The following VPS37C variants were observed in gnomAD, a reference collection of about 807,000 sequenced individuals.
VPS37C encodes VPS37C subunit of ESCRT-I.
VPS37C carries 9 observed loss-of-function variants against 16.1 expected under a neutral mutation model. The ratio of observed to expected loss-of-function variants is 0.56; its 90% CI spans 0.34 to 0.97. VPS37C has a LOEUF of 0.97. VPS37C is among the 50% of genes least tolerant of loss of function. VPS37C has a pLI of 0.02. For missense variants in VPS37C, 479 were observed against 472.7 expected (o/e 1.01, Z -0.12); for synonymous variants, 207 against 206.4 (o/e 1.00, Z -0.02).
At chr11:61,154,453 T>C (rs1254376633) in intron 1 of VPS37C, among the ~76,000 whole-genome samples, 1 of 152,052 alleles carries the variant, frequency 6.6e-6, no homozygotes, top group Non-Finnish European at 1.5e-5. Context: ...AAAGGTAATA[T>C]CAGCAGATTA....
chr11:61,139,456 A>C (rs574622838), intron 1 of VPS37C, among the ~76,000 whole-genome samples: 2,450 of 152,206 alleles, frequency 0.016, 58 homozygotes, highest in African/African-American at 0.051. Flanking sequence ...GAAAAAAAAA[A>C]AAATCAGCCA....
chr11:61,154,286 T>C (rs1289962138), intron 1 of VPS37C, among the ~76,000 whole-genome samples: 2 of 152,104 alleles, frequency 1.3e-5, no homozygotes, highest in South Asian at 2.1e-4. Context: ...ATGGAATTAG[T>C]AGGCAAGGAC....
At chr11:61,152,425 T>C (rs1853311181) in intron 1 of VPS37C, among the ~76,000 whole-genome samples, 1 of 152,190 alleles carries the variant, frequency 6.6e-6, no homozygotes, top group South Asian at 2.1e-4. Context: ...GCTGTATCCA[T>C]GACCACACTG....
At chr11:61,154,424 T>C (rs1853348195) in intron 1 of VPS37C, among the ~76,000 whole-genome samples, 1 of 152,048 alleles carries the variant, frequency 6.6e-6, no homozygotes, top group African/African-American at 2.4e-5. Flanking sequence ...CTACAATGTC[T>C]GTGATAAAAA....
chr11:61,132,603 A>G, intron 4 of VPS37C, 64 bp from the exon 5 acceptor site: 1 of 1,517,434 alleles, frequency 6.6e-7, no homozygotes, highest in Non-Finnish European at 8.8e-7. Context: ...GATTTTCCCC[A>G]GGGTCTGAGT....
intron 2 of VPS37C, among the ~76,000 whole-genome samples, chr11:61,134,958 G>T (rs558415646): frequency 6.6e-6 from 1 of 152,192 alleles, no homozygotes; most frequent in African/African-American, 2.4e-5. Context: ...CCATGCATCC[G>T]CCAAGGAGTC....
chr11:61,154,288 G>C (rs1853346657), intron 1 of VPS37C, among the ~76,000 whole-genome samples: 1 of 152,116 alleles, frequency 6.6e-6, no homozygotes. Flanking sequence ...GGAATTAGTA[G>C]GCAAGGACAT....
chr11:61,160,259 T>C (rs546198740), intron 1 of VPS37C, among the ~76,000 whole-genome samples: 12 of 152,200 alleles, frequency 7.9e-5, no homozygotes, highest in Admixed American at 1.3e-4. Context: ...GAACAAAGAC[T>C]CAGTTTAGCG....
chr11:61,132,634 TCA>T, intron 4 of VPS37C, 95 bp from the exon 5 acceptor site: 1 of 1,482,344 alleles, frequency 6.7e-7, no homozygotes, highest in Non-Finnish European at 9.0e-7. Flanking sequence ...CCCTCCCACC[TCA>T]CGCCGCCTCA....
intron 1 of VPS37C, among the ~76,000 whole-genome samples, chr11:61,157,621 T>C (rs979725144): frequency 6.6e-5 from 10 of 152,242 alleles, no homozygotes; most frequent in East Asian, 3.8e-4. Context: ...GTTCTTTACA[T>C]ACTCTGGAAA....
chr11:61,141,367 C>CAAAAAAAAAAA (rs1242030018), intron 1 of VPS37C, among the ~76,000 whole-genome samples: 3 of 126,444 alleles, frequency 2.4e-5, no homozygotes, highest in Non-Finnish European at 5.1e-5. Context: ...GACTCGGTCT[C>CAAAAAAAAAAA]AAAAAAAAAA....
At chr11:61,136,660 C>T (rs947494828) in intron 2 of VPS37C, among the ~76,000 whole-genome samples, 10 of 152,266 alleles carry the variant, frequency 6.6e-5, no homozygotes, top group South Asian at 2.1e-4. Flanking sequence ...TGTTTTGCTG[C>T]TTCTGAATTC....
rs200179756 is a variant in VPS37C, at chr11:61,132,054, A to G, written c.834T>C (p.Gly278=). The G allele has an allele frequency of 1.3e-5, 18 of 1,388,998 alleles. No homozygotes were observed. The East Asian group carries it at 4.6e-4, about 36-fold the overall frequency. 86.0% of individuals were successfully genotyped at this position (1,388,998 alleles called of 1,614,324 possible). A position where few individuals can be genotyped will look rare whatever the true frequency, so the allele number is the denominator to read the frequency against. The change falls in exon 5 of 5, where the codon GGT becomes GGC. Residue 278 remains glycine, a synonymous_variant. Coordinates refer to ENST00000301765, the MANE Select transcript of VPS37C (RefSeq NM_017966.5). The part of the protein sequence containing the change: ...PRPGYPGTPM[G]ASGPGYPLRG... ...GCAAGGGGTACCCAGGCCCAGAGGC[A>G]CCCATTGGGGTCCCAGGATAGCCCG...
chr11:61,147,067 T>C (rs1853218237), intron 1 of VPS37C, among the ~76,000 whole-genome samples: 1 of 152,066 alleles, frequency 6.6e-6, no homozygotes, highest in Non-Finnish European at 1.5e-5. Context: ...CTCAAAGTTG[T>C]GAGAAACTGG....
At chr11:61,157,701 C>T (rs1853400519) in intron 1 of VPS37C, among the ~76,000 whole-genome samples, 1 of 152,204 alleles carries the variant, frequency 6.6e-6, no homozygotes, top group Non-Finnish European at 1.5e-5. Flanking sequence ...GATTTCAGAG[C>T]AAAGACTATT....
chr11:61,157,273 T>C (rs1361461914), intron 1 of VPS37C, among the ~76,000 whole-genome samples: 2 of 152,270 alleles, frequency 1.3e-5, no homozygotes, highest in Non-Finnish European at 2.9e-5. Flanking sequence ...AATTGCTAGA[T>C]GATATGGCAA....
At chr11:61,133,714 C>CA (rs1432213017) in intron 3 of VPS37C, among the ~76,000 whole-genome samples, 1 of 152,186 alleles carries the variant, frequency 6.6e-6, no homozygotes, top group Non-Finnish European at 1.5e-5. Context: ...TCCTGGGACA[C>CA]AGAGAGCCCA....
chr11:61,132,813 T>C, intron 4 of VPS37C: 1 of 572,972 alleles, frequency 1.7e-6, no homozygotes, highest in East Asian at 3.0e-5. Context: ...CAGTGGCCAC[T>C]GCATATATGT....
At chr11:61,133,033 C>A (rs773393683) in intron 4 of VPS37C, 95 of 667,214 alleles carry the variant, frequency 1.4e-4, no homozygotes, top group Non-Finnish European at 2.5e-4. Flanking sequence ...CTGCGAGCTG[C>A]CCTTGTCCAC....
Sources: gnomAD v4.1 joint callset for allele counts (sites outside exome capture counted in the v4.1 genomes callset) on GRCh38, gnomAD v4.1.1 for gene constraint, MANE v1.5 for transcripts, NCBI Gene and HGNC (gene_info 2026-07-23, HGNC 2026-07-21) for gene names.